DUSP29: variants seen among roughly 807,000 people sequenced by gnomAD.
DUSP29 encodes the protein atypical dual-specific protein phosphatase.
Under a neutral mutation model 13.5 loss-of-function variants are expected in DUSP29, and 12 were observed. That is an observed-to-expected ratio of 0.89 (90% CI 0.57 to 1.44). The LOEUF (loss-of-function observed/expected upper bound fraction) is 1.44. Ranked by LOEUF, DUSP29 falls within the 40% of genes most tolerant of loss-of-function variation. DUSP29 has a pLI of 0.00. For missense variants in DUSP29, 308 were observed against 301.1 expected, an observed-to-expected ratio of 1.02 and a Z score of -0.17; for synonymous variants, 134 against 128.7, an observed-to-expected ratio of 1.04 and a Z score of -0.28.
intron 1 of DUSP29, among the ~76,000 whole-genome samples, chr10:75,067,943 G>T (rs1847239435): frequency 6.6e-6 from 1 of 152,130 alleles, no homozygotes; most frequent in Admixed American, 6.5e-5. Flanking sequence ...CTCCAGGGTA[G>T]CTGGGATTAC....
At chr10:75,048,270 C>T (rs1426235201) in intron 2 of DUSP29, among the ~76,000 whole-genome samples, 1 of 151,252 alleles carries the variant, frequency 6.6e-6, no homozygotes, top group African/African-American at 2.4e-5. Flanking sequence ...CTTGTTTTCA[C>T]TGATTCATTT....
chr10:75,070,311 G>A (rs1449574988), intron 1 of DUSP29, among the ~76,000 whole-genome samples: 3 of 152,070 alleles, frequency 2.0e-5, no homozygotes, highest in Non-Finnish European at 4.4e-5. Flanking sequence ...TATATTCTTG[G>A]TCACAAAGTA....
intron 2 of DUSP29, among the ~76,000 whole-genome samples, chr10:75,049,692 C>T (rs1029929403): frequency 2.6e-5 from 4 of 152,254 alleles, no homozygotes; most frequent in African/African-American, 7.2e-5. Flanking sequence ...TAATTTCATT[C>T]GTGCTCGGTG....
intron 1 of DUSP29, among the ~76,000 whole-genome samples, chr10:75,072,995 AC>A (rs1330748423): frequency 1.6e-5 from 2 of 126,150 alleles, no homozygotes; most frequent in Admixed American, 7.9e-5. Context: ...ACCCAGTCCC[AC>A]CCCCCATCTC....
intron 1 of DUSP29, among the ~76,000 whole-genome samples, chr10:75,067,486 G>A (rs571771089): frequency 2.6e-5 from 4 of 152,266 alleles, no homozygotes; most frequent in Non-Finnish European, 5.9e-5. Context: ...TAACTCAGCT[G>A]ACATGGGGGT....
At chr10:75,042,626 T>A (rs1169046749) in intron 3 of DUSP29, among the ~76,000 whole-genome samples, 1 of 152,214 alleles carries the variant, frequency 6.6e-6, no homozygotes, top group Non-Finnish European at 1.5e-5. Context: ...TGAGCCAAAA[T>A]AATGACAAAT....
chr10:75,068,508 A>G (rs766835317), intron 1 of DUSP29, among the ~76,000 whole-genome samples: 2 of 152,142 alleles, frequency 1.3e-5, no homozygotes, highest in Non-Finnish European at 2.9e-5. Flanking sequence ...CTTCGAAGGC[A>G]TTCTGTATCT....
intron 2 of DUSP29, among the ~76,000 whole-genome samples, chr10:75,050,106 C>T (rs1245159343): frequency 6.6e-6 from 1 of 152,226 alleles, no homozygotes; most frequent in Non-Finnish European, 1.5e-5. Context: ...TATCCCGTTT[C>T]AGCCAAGCCT....
rs138657219 is a variant in DUSP29, at chr10:75,072,228, C to T, written c.-35+1341G>A. Among the ~76,000 whole-genome samples, 551 of 152,210 alleles carry T rather than the reference C, an allele frequency of 3.6e-3. 2 individuals carry two copies. The highest frequency in any genetic ancestry group is 0.012 in the African/African-American group (517 of 41,538). On this transcript the variant is annotated intron_variant, in intron 1 of 3. Coordinates refer to ENST00000338487, the MANE Select transcript of DUSP29 (RefSeq NM_001003892.3). The stretch of plus-strand genomic sequence containing the variant: ...TCTAATTGAGCCAGTTAACACAAGC[C>T]GCCTATAGACAGCAAACTAAAAGAG...
At chr10:75,044,967 GA>G (rs1292890976) in intron 2 of DUSP29, among the ~76,000 whole-genome samples, 1 of 152,226 alleles carries the variant, frequency 6.6e-6, no homozygotes, top group Non-Finnish European at 1.5e-5. Context: ...GGCCTTTCAG[GA>G]AGCATTGTCT....
chr10:75,046,613 C>G (rs976588935), intron 2 of DUSP29, among the ~76,000 whole-genome samples: 2 of 152,226 alleles, frequency 1.3e-5, no homozygotes, highest in African/African-American at 4.8e-5. Context: ...TGCAGACAGC[C>G]CATCAGAACT....
chr10:75,051,704 A>G (rs1301738111), intron 2 of DUSP29, among the ~76,000 whole-genome samples: 2 of 152,214 alleles, frequency 1.3e-5, no homozygotes, highest in Non-Finnish European at 2.9e-5. Flanking sequence ...AGGGAAAGGA[A>G]AAACCTAACC....
intron 3 of DUSP29, among the ~76,000 whole-genome samples, chr10:75,040,831 G>A (rs1164697060): frequency 2.0e-5 from 3 of 152,234 alleles, no homozygotes; most frequent in African/African-American, 4.8e-5. Flanking sequence ...AAGAGTGACT[G>A]AGGTTGCCTG....
At chr10:75,063,101 G>C (rs901406657) in intron 1 of DUSP29, among the ~76,000 whole-genome samples, 1 of 152,216 alleles carries the variant, frequency 6.6e-6, no homozygotes, top group African/African-American at 2.4e-5. Flanking sequence ...GTTGGCCTCA[G>C]GCAAGAGACA....
At chr10:75,038,228 C>A (rs992446089) in intron 3 of DUSP29, 151 bp from the exon 4 acceptor site, 1 of 1,010,012 alleles carries the variant, frequency 9.9e-7, no homozygotes, top group Admixed American at 2.9e-5. Context: ...AACGGGGACA[C>A]TCTCGGTGTC....
chr10:75,042,953 C>T (rs967627329), intron 3 of DUSP29, among the ~76,000 whole-genome samples: 1 of 152,260 alleles, frequency 6.6e-6, no homozygotes, highest in Non-Finnish European at 1.5e-5. Context: ...GCAGCAATAA[C>T]TGTATATTGT....
chr10:75,052,664 C>T (rs1422312660), intron 2 of DUSP29, among the ~76,000 whole-genome samples: 3 of 151,986 alleles, frequency 2.0e-5, no homozygotes, highest in African/African-American at 7.3e-5. Context: ...GTTGGCCAGG[C>T]TGGTCTCGAA....
intron 1 of DUSP29, among the ~76,000 whole-genome samples, chr10:75,059,979 C>T (rs1299098264): frequency 2.0e-5 from 3 of 151,708 alleles, no homozygotes; most frequent in Admixed American, 1.3e-4. Flanking sequence ...CCTAACATGG[C>T]GAAACCCCAT....
At chr10:75,046,356 A>G (rs2134285298) in intron 2 of DUSP29, among the ~76,000 whole-genome samples, 1 of 152,282 alleles carries the variant, frequency 6.6e-6, no homozygotes, top group East Asian at 1.9e-4. Flanking sequence ...TAAAAGTGGC[A>G]TTGCACTCCA....
Sources: allele counts gnomAD v4.1 joint callset (sites outside exome capture counted in the v4.1 genomes callset), GRCh38; gene constraint gnomAD v4.1.1; transcripts MANE v1.5; gene names NCBI Gene and HGNC (gene_info 2026-07-23, HGNC 2026-07-21).